The following ALG14 variants were observed in gnomAD, a reference collection of about 807,000 sequenced individuals.
ALG14 encodes the protein ALG14 UDP-N-acetylglucosaminyltransferase subunit.
In ALG14, 17 loss-of-function variants were observed where a neutral mutation model predicts 22.8. That is an observed-to-expected ratio of 0.75 (90% CI 0.51 to 1.12). The LOEUF (loss-of-function observed/expected upper bound fraction) is 1.12, where lower values mean the gene tolerates loss of function less well. Ranked by LOEUF, ALG14 falls within the 50% of genes most tolerant of loss-of-function variation. The probability of loss-of-function intolerance (pLI) is 0.00; values close to 1 mark genes in which losing one functional copy is unlikely to be tolerated. For synonymous variants in ALG14, 89 were observed against 103.7 expected, an observed-to-expected ratio of 0.86 and a Z score of 0.86; for missense variants, 288 against 271.8, an observed-to-expected ratio of 1.06 and a Z score of -0.42.
Position 94,977,808 on chromosome 1 carries a change from C to G in ALG14, c.*5268G>C, listed in dbSNP as rs1672424628. The G allele has an allele frequency of 6.6e-6, 1 of 152,044 alleles. No homozygotes were observed. The highest frequency in any genetic ancestry group is 2.4e-5 in the African/African-American group (1 of 41,370). The allele number at this position is 152,044 out of a possible 1,614,324, so 9.4% of individuals were successfully genotyped here. The stretch of plus-strand genomic sequence containing the variant: ...GAACTATAGGTGTGCATCACCATGC[C>G]TGGCTAATTTTTGTATTTTTTTTGT... On this transcript the variant is annotated 3_prime_UTR_variant, in exon 4 of 4. Transcript: ENST00000370205.
At chr1:95,026,858 A>G (rs868170049) in intron 3 of ALG14, among the ~76,000 whole-genome samples, 29 of 152,242 alleles carry the variant, frequency 1.9e-4, no homozygotes, top group Admixed American at 3.9e-4. Context: ...CTTTGTGATA[A>G]AAGTCACAAA....
intron 3 of ALG14, among the ~76,000 whole-genome samples, chr1:95,016,780 G>T (rs1172939646): frequency 6.6e-6 from 1 of 152,068 alleles, no homozygotes; most frequent in Non-Finnish European, 1.5e-5. Flanking sequence ...CTCAGAAAAA[G>T]GCTTGAAGGC....
In ALG14 at chr1:94,982,281, A is replaced by G. The variant is rs934382088; in HGVS notation, c.*795T>C. On this transcript the variant is annotated 3_prime_UTR_variant, in exon 4 of 4. Transcript: ENST00000370205. The stretch of plus-strand genomic sequence containing the variant: ...GCTGGGATTACAGGCATGTGCCACC[A>G]CGCCTGACTAATTTTTGTATTTTTA... The G allele has an allele frequency of 1.3e-5, 2 of 151,966 alleles. No homozygotes were observed. Among genetic ancestry groups the G allele is most frequent in the Non-Finnish European group, 2.9e-5 (2 of 68,040 alleles). The allele number at this position is 151,966 out of a possible 1,614,324, so 9.4% of individuals were successfully genotyped here.
intron 2 of ALG14, among the ~76,000 whole-genome samples, chr1:95,046,750 A>G (rs1674569276): frequency 6.6e-6 from 1 of 152,256 alleles, no homozygotes; most frequent in Non-Finnish European, 1.5e-5. Flanking sequence ...ATTTAGTGAA[A>G]AACTGAAAAT....
chr1:95,046,649 G>A (rs1258740587), intron 2 of ALG14, among the ~76,000 whole-genome samples: 1 of 152,140 alleles, frequency 6.6e-6, no homozygotes, highest in Non-Finnish European at 1.5e-5. Context: ...CATATTTATT[G>A]CAGTAAAATT....
intron 2 of ALG14, among the ~76,000 whole-genome samples, chr1:95,064,412 T>C (rs1183514981): frequency 6.6e-6 from 1 of 152,246 alleles, no homozygotes; most frequent in East Asian, 1.9e-4. Context: ...ATATTGGCTC[T>C]GGGTTTGTCA....
intron 2 of ALG14, among the ~76,000 whole-genome samples, chr1:95,043,143 C>T (rs921503840): frequency 2.6e-5 from 4 of 151,992 alleles, no homozygotes; most frequent in Admixed American, 2.6e-4. Context: ...TAATTGTTTT[C>T]GTTTAAACTC....
intron 2 of ALG14, among the ~76,000 whole-genome samples, chr1:95,061,163 G>A (rs771707783): frequency 1.3e-5 from 2 of 152,140 alleles, no homozygotes; most frequent in Non-Finnish European, 2.9e-5. Flanking sequence ...CTTGATTTCA[G>A]ACTTCTACCC....
chr1:95,000,675 T>C (rs1258502410), intron 3 of ALG14, among the ~76,000 whole-genome samples: 2 of 151,040 alleles, frequency 1.3e-5, no homozygotes, highest in Admixed American at 1.3e-4. Flanking sequence ...AATTAATCAG[T>C]TCTGTAATAC....
At chr1:95,021,320 C>T (rs942792195) in intron 3 of ALG14, among the ~76,000 whole-genome samples, 5 of 152,140 alleles carry the variant, frequency 3.3e-5, no homozygotes, top group Non-Finnish European at 7.4e-5. Context: ...ATGAGTAATA[C>T]ACCTCACCGT....
chr1:95,049,779 G>A (rs1674685930), intron 2 of ALG14, among the ~76,000 whole-genome samples: 1 of 151,944 alleles, frequency 6.6e-6, no homozygotes, highest in South Asian at 2.1e-4. Flanking sequence ...GCTGAGACAG[G>A]AGGATCACTT....
intron 3 of ALG14, among the ~76,000 whole-genome samples, chr1:95,001,929 A>C (rs1673081290): frequency 6.6e-6 from 1 of 152,256 alleles, no homozygotes; most frequent in Non-Finnish European, 1.5e-5. Context: ...AATTTGTCCA[A>C]GGCCACATAG....
chr1:95,072,763 C>G lies in ALG14; in HGVS notation c.136G>C (p.Gly46Arg), dbSNP rs773144547. The change falls in exon 1 of 4, where the codon GGT becomes CGT. Residue 46 changes from glycine (G) to arginine (R), a missense_variant and splice_region_variant. Gly to Arg is a moderately radical substitution (Grantham distance 125). Transcript: ENST00000370205. ...CGACAGTCGCCTCCTCGATACTTAC[C>G]GGACCCAGCCACTACCAAGATACTG... Reference protein sequence around the residue: ...SLSILVVAGSGGHTTEILRLL... With the variant: ...SLSILVVAGSRGHTTEILRLL... The G allele has an allele frequency of 6.2e-7, 1 of 1,614,002 alleles. No homozygotes were observed. Among genetic ancestry groups the G allele is most frequent in the South Asian group, 1.1e-5 (1 of 91,070 alleles).
chr1:95,072,866 T>A lies in ALG14; in HGVS notation c.33A>T (p.Ala11=), dbSNP rs1393440369. 1.9e-6 allele frequency: 3 copies of A among 1,614,004 alleles called. No individual in the cohort carries two copies. The highest frequency in any genetic ancestry group is 2.5e-6 in the Non-Finnish European group (3 of 1,180,020). Residue 11 remains alanine (A), a synonymous_variant, in exon 1 of 4, where the codon GCA becomes GCT. Transcript: ENST00000370205. MVCVLVLAAA[A]GAVAVFLILR... ...GGATTAGGAAAACCGCCACAGCTCC[T>A]GCGGCCGCAGCTAGAACGAGAACGC...
intron 2 of ALG14, 133 bp downstream of exon 2, chr1:95,064,733 T>C (rs1173350615): frequency 7.0e-6 from 5 of 710,060 alleles, no homozygotes; most frequent in Non-Finnish European, 1.1e-5. Context: ...GCAAAGGAAA[T>C]GTATTTCATC....
At position 94,978,089 on chromosome 1, in the gene ALG14, A is replaced by C. The variant is rs913799601; in HGVS notation, c.*4987T>G. On this transcript the variant is annotated 3_prime_UTR_variant, in exon 4 of 4. Coordinates refer to ENST00000370205, the MANE Select transcript of ALG14 (RefSeq NM_144988.4). ...TTTTCTTTTTTTTTTTTTGAGGTGGAGTCTCGCTCTGTCCCCCAGGCTGGA... is the reference window on the plus strand; with the variant it reads ...TTTTCTTTTTTTTTTTTTGAGGTGGCGTCTCGCTCTGTCCCCCAGGCTGGA... 1 of 138,712 alleles carries C rather than the reference A, an allele frequency of 7.2e-6. No individual in the cohort carries two copies. The highest frequency in any genetic ancestry group is 2.7e-5 in the African/African-American group (1 of 36,906). 8.6% of individuals were successfully genotyped at this position (138,712 alleles called of 1,614,324 possible). A position where few individuals can be genotyped will look rare whatever the true frequency, so the allele number is the denominator to read the frequency against.
At chr1:95,030,105 G>T (rs1673951789) in intron 2 of ALG14, among the ~76,000 whole-genome samples, 1 of 152,124 alleles carries the variant, frequency 6.6e-6, no homozygotes, top group African/African-American at 2.4e-5. Context: ...GAAACCTTTT[G>T]GGTCAGAAGT....
intron 2 of ALG14, among the ~76,000 whole-genome samples, chr1:95,052,388 A>G (rs1439733514): frequency 1.3e-5 from 2 of 152,232 alleles, no homozygotes; most frequent in African/African-American, 2.4e-5. Context: ...ATACTACACA[A>G]TAATATGTAA....
intron 3 of ALG14, among the ~76,000 whole-genome samples, chr1:95,017,845 T>C (rs531775263): frequency 6.6e-5 from 10 of 152,206 alleles, no homozygotes; most frequent in Non-Finnish European, 1.3e-4. Flanking sequence ...AATGAGGCAC[T>C]GGAGCTCCAA....
Sources: gnomAD v4.1 joint callset for allele counts (sites outside exome capture counted in the v4.1 genomes callset) on GRCh38, gnomAD v4.1.1 for gene constraint, MANE v1.5 for transcripts, NCBI Gene and HGNC (gene_info 2026-07-23, HGNC 2026-07-21) for gene names.